Variants in ITGAX observed in about 807,000 individuals in gnomAD.
ITGAX encodes integrin subunit alpha X, also known as integrin alpha-X.
A neutral mutation model predicts 140.2 loss-of-function variants in ITGAX; 99 were observed. That is an observed-to-expected ratio of 0.71 (90% CI 0.60 to 0.83). The LOEUF (loss-of-function observed/expected upper bound fraction) is 0.83, where lower values mean the gene tolerates loss of function less well. ITGAX is among the 40% of genes least tolerant of loss of function. The pLI, the probability that ITGAX is intolerant of heterozygous loss-of-function variation, is 0.00. For missense variants in ITGAX, 1,444 were observed against 1,482.0 expected (o/e 0.97, Z 0.42); for synonymous variants, 631 against 600.4 (o/e 1.05, Z -0.75).
At chr16:31,368,775 C>T (rs940898745) in intron 14 of ITGAX, among the ~76,000 whole-genome samples, 3 of 151,542 alleles carry the variant, frequency 2.0e-5, no homozygotes, top group Non-Finnish European at 4.4e-5. Flanking sequence ...TGTTTGTGTC[C>T]CTGGGTACTT....
chr16:31,355,398 G>A, intron 1 of ITGAX, 107 bp downstream of exon 1: 2 of 1,232,750 alleles, frequency 1.6e-6, no homozygotes, highest in Non-Finnish European at 2.3e-6. Flanking sequence ...TAGGAAGAGA[G>A]ACTCAGTCAA....
chr16:31,362,916 C>T lies in ITGAX; in HGVS notation c.1360-19C>T. ...CCTCTGGCAGGGACAGGCAGCATGACCCAGGCTCTGCCCTTCAGATCGGCT... is the reference window on the plus strand; with the variant it reads ...CCTCTGGCAGGGACAGGCAGCATGATCCAGGCTCTGCCCTTCAGATCGGCT... On this transcript the variant is annotated intron_variant, in intron 12 of 29. Transcript: ENST00000268296. The T allele has an allele frequency of 1.2e-6, 2 of 1,610,898 alleles. No individual in the cohort carries two copies. Among genetic ancestry groups the T allele is most frequent in the Non-Finnish European group, 1.7e-6 (2 of 1,179,322 alleles).
intron 2 of ITGAX, chr16:31,356,400 G>T: frequency 2.0e-6 from 1 of 502,986 alleles, no homozygotes; most frequent in Non-Finnish European, 3.6e-6. Context: ...AAAGTGCTGG[G>T]ATTCCAGGTG....
At position 31,382,050 on chromosome 16, in the gene ITGAX, C is replaced by T. The variant is rs1033037517; in HGVS notation, c.*143C>T. On this transcript the variant is annotated 3_prime_UTR_variant, in exon 30 of 30. Coordinates refer to ENST00000268296, the MANE Select transcript of ITGAX (RefSeq NM_000887.5). ...GCTTCCTGTCTTTGGGAGAAAACGT[C>T]TTGCTTGGGAAGGGGCCTTTGTCTT... The T allele has an allele frequency of 4.2e-6, 6 of 1,442,840 alleles. No homozygotes were observed. The highest frequency in any genetic ancestry group is 5.4e-6 in the Non-Finnish European group (6 of 1,103,112). 89.4% of individuals were successfully genotyped at this position (1,442,840 alleles called of 1,614,324 possible). A position where few individuals can be genotyped will look rare whatever the true frequency, so the allele number is the denominator to read the frequency against.
At chr16:31,376,234 TTAAAA>T in intron 20 of ITGAX, among the ~76,000 whole-genome samples, 1 of 152,340 alleles carries the variant, frequency 6.6e-6, no homozygotes, top group Non-Finnish European at 1.5e-5. Context: ...TAAGAGGCCT[TTAAAA>T]TAACAATAAA....
chr16:31,382,181 C>A lies in ITGAX; in HGVS notation c.*274C>A. On this transcript the variant is annotated 3_prime_UTR_variant, in exon 30 of 30. Coordinates refer to ENST00000268296, the MANE Select transcript of ITGAX (RefSeq NM_000887.5). Reference sequence around the variant, plus strand: ...AAATACATGGACAATACCCCCAGGCCTCAGTCTCCCTTCTCCCATGAGGCA... The same window carrying A: ...AAATACATGGACAATACCCCCAGGCATCAGTCTCCCTTCTCCCATGAGGCA... 7.8e-6 allele frequency: 11 copies of A among 1,411,984 alleles called. No individual in the cohort carries two copies. Among genetic ancestry groups the A allele is most frequent in the Non-Finnish European group, 1.0e-5 (11 of 1,090,398 alleles). The allele number at this position is 1,411,984 out of a possible 1,614,324, so 87.5% of individuals were successfully genotyped here.
At chr16:31,356,874 C>T (rs1042999022) in intron 3 of ITGAX, 146 bp downstream of exon 3, 3 of 815,646 alleles carry the variant, frequency 3.7e-6, no homozygotes, top group Non-Finnish European at 5.7e-6. Context: ...CCCTTAAGGC[C>T]TCCCCGCCCA....
chr16:31,377,128 C>A (rs780826538), intron 22 of ITGAX, 49 bp downstream of exon 22: 3 of 1,610,706 alleles, frequency 1.9e-6, no homozygotes, highest in Non-Finnish European at 2.5e-6. Flanking sequence ...CAGCCTCACA[C>A]CCCATTCTCC....
chr16:31,368,665 C>T (rs941523874), intron 14 of ITGAX, among the ~76,000 whole-genome samples: 22 of 149,754 alleles, frequency 1.5e-4, no homozygotes, highest in Non-Finnish European at 2.7e-4. Context: ...AGGGGGATTT[C>T]GCAGGGTCAT....
chr16:31,359,563 T>C, intron 5 of ITGAX, 137 bp from the exon 6 acceptor site: 1 of 937,164 alleles, frequency 1.1e-6, no homozygotes, highest in East Asian at 2.6e-5. Context: ...ACCCAGGGTG[T>C]GGAGCCTGAC....
chr16:31,367,096 G>A (rs2142504593), intron 14 of ITGAX, among the ~76,000 whole-genome samples: 1 of 152,312 alleles, frequency 6.6e-6, no homozygotes, highest in Non-Finnish European at 1.5e-5. Flanking sequence ...TCCAGAGCAA[G>A]GTCCGAATGC....
At position 31,379,987 on chromosome 16, in the gene ITGAX, A is replaced by C. The variant is rs537630252; in HGVS notation, c.2982A>C (p.Pro994=). Residue 994 remains proline, a synonymous_variant, in exon 26 of 30, where the codon CCA becomes CCC. Transcript: ENST00000268296. The part of the protein sequence containing the change: ...MDVEVSHPQN[P]SLRCSSEKIA... ...TTCTCTGCATTTTCCCCCAGAACCC[A>C]TCCCTTCGGTGCTCCTCAGAGAAAA... 1 of 1,614,024 alleles carries C rather than the reference A, an allele frequency of 6.2e-7. No homozygotes were observed. The highest frequency in any genetic ancestry group is 8.5e-7 in the Non-Finnish European group (1 of 1,179,948).
At position 31,357,195 on chromosome 16, in the gene ITGAX, G is replaced by A. The variant is rs761272220; in HGVS notation, c.319-58G>A. On this transcript the variant is annotated intron_variant, in intron 4 of 29. Transcript: ENST00000268296. ...GAGTCTCCTGTAGGGTGGAGGTTCC[G>A]GAATGTGAGGGTGGGAGGAAGCAGG... The A allele has an allele frequency of 9.1e-6, 14 of 1,540,368 alleles. No individual in the cohort carries two copies. The East Asian group carries it at 1.2e-4, about 13-fold the overall frequency.
chr16:31,357,397 C>T, intron 5 of ITGAX, 33 bp downstream of exon 5: 1 of 1,410,348 alleles, frequency 7.1e-7, no homozygotes, highest in South Asian at 1.2e-5. Context: ...CTTTGAGGAG[C>T]TCACGCACAT....
chr16:31,371,922 C>T (rs779703676), intron 17 of ITGAX, 138 bp downstream of exon 17: 68 of 1,002,800 alleles, frequency 6.8e-5, no homozygotes, highest in Non-Finnish European at 9.2e-5. Context: ...GCTTACTGCA[C>T]GTTAGCCAGT....
rs1016765276 is a variant in ITGAX, at chr16:31,372,623, C to T, written c.2319C>T (p.Ala773=). ...TACCCTTTGAGAAGAACTGTGGAGC[C>T]GACCATATCTGCCAGGACAATCTCG... is the stretch of plus-strand genomic sequence containing the variant. The part of the protein sequence containing the change: ...ASLPFEKNCG[A]DHICQDNLGI... The change falls in exon 19 of 30, where the codon GCC becomes GCT. Residue 773 remains alanine (A), a synonymous_variant. Coordinates refer to ENST00000268296, the MANE Select transcript of ITGAX (RefSeq NM_000887.5). The T allele has an allele frequency of 2.1e-5, 34 of 1,614,014 alleles. No individual in the cohort carries two copies. Among genetic ancestry groups the T allele is most frequent in the East Asian group, 4.5e-5 (2 of 44,884 alleles).
chr16:31,366,976 C>A (rs1457443575), intron 14 of ITGAX, among the ~76,000 whole-genome samples: 1 of 152,180 alleles, frequency 6.6e-6, no homozygotes, highest in African/African-American at 2.4e-5. Flanking sequence ...CTCCAGTGAA[C>A]ATATGAATGA....
Position 31,362,110 on chromosome 16 carries a change from C to T in ITGAX, c.1122C>T (p.Thr374=). ...GPVLGAVGSF[T]WSGGAFLYPP... is the part of the protein sequence containing the mutation. ...TTCTGGGGGCTGTGGGGAGCTTCACCTGGTCTGGAGGTGCCTTCCTGTACC... is the reference window on the plus strand; with the variant it reads ...TTCTGGGGGCTGTGGGGAGCTTCACTTGGTCTGGAGGTGCCTTCCTGTACC... Residue 374 remains threonine (T), a synonymous_variant, in exon 11 of 30, where the codon ACC becomes ACT. Coordinates refer to ENST00000268296, the MANE Select transcript of ITGAX (RefSeq NM_000887.5). 2 of 1,614,138 alleles carry T rather than the reference C, an allele frequency of 1.2e-6. No individual in the cohort carries two copies. The highest frequency in any genetic ancestry group is 1.3e-5 in the African/African-American group (1 of 75,028).
Position 31,374,672 on chromosome 16 carries a change from G to A in ITGAX, c.2508+1282G>A, listed in dbSNP as rs76243929. 1.0e-2 allele frequency among the ~76,000 whole-genome samples: 1,518 copies of A among 152,234 alleles called. 21 individuals carry two copies. Among genetic ancestry groups the A allele is most frequent in the African/African-American group, 0.034 (1,431 of 41,550 alleles). ...GCCCAAACTGGTCTCTAACCCCTGG[G>A]TTCAAGCAGTCCTCCTATCTTAGCT... On this transcript the variant is annotated intron_variant, in intron 20 of 29. Coordinates refer to ENST00000268296, the MANE Select transcript of ITGAX (RefSeq NM_000887.5).
Sources: allele counts gnomAD v4.1 joint callset (sites outside exome capture counted in the v4.1 genomes callset), GRCh38; gene constraint gnomAD v4.1.1; transcripts MANE v1.5; gene names NCBI Gene and HGNC (gene_info 2026-07-23, HGNC 2026-07-21).